TMEM132C: variants seen among roughly 807,000 people sequenced by gnomAD.
TMEM132C encodes protein phosphatase 1, regulatory subunit 152.
Under a neutral mutation model 61.4 loss-of-function variants are expected in TMEM132C, and 29 were observed. The observed-to-expected ratio is 0.47, with a 90% confidence interval of 0.35 to 0.64. The LOEUF (loss-of-function observed/expected upper bound fraction) is 0.64, where lower values mean the gene tolerates loss of function less well. Among genes scored for constraint, TMEM132C ranks in the 30% least tolerant of loss-of-function variants. TMEM132C has a pLI of 0.00. For missense variants in TMEM132C, 1,408 were observed against 1,476.9 expected (o/e 0.95, Z 0.76); for synonymous variants, 656 against 633.1 (o/e 1.04, Z -0.54).
At chr12:128,461,983 G>C (rs1266373024) in intron 2 of TMEM132C, among the ~76,000 whole-genome samples, 1 of 152,206 alleles carries the variant, frequency 6.6e-6, no homozygotes, top group Non-Finnish European at 1.5e-5. Flanking sequence ...TGGAGCGGGT[G>C]CCTCATTTTC....
At chr12:128,469,639 TTTG>T (rs1870868357) in intron 2 of TMEM132C, among the ~76,000 whole-genome samples, 10 of 150,450 alleles carry the variant, frequency 6.6e-5, no homozygotes, top group African/African-American at 2.5e-4. Flanking sequence ...TGTGTGTGTG[TTTG>T]TGTGTGTGTG....
intron 5 of TMEM132C, among the ~76,000 whole-genome samples, chr12:128,683,846 G>C (rs12580976): frequency 6.6e-6 from 1 of 151,952 alleles, no homozygotes; most frequent in African/African-American, 2.4e-5. Context: ...GATGCCTGTC[G>C]TCCCAAGTAC....
chr12:128,665,643 A>ACACACC (rs770882023), intron 4 of TMEM132C, among the ~76,000 whole-genome samples: 9 of 146,206 alleles, frequency 6.2e-5, no homozygotes, highest in Non-Finnish European at 7.5e-5. Context: ...ACACACACAC[A>ACACACC]CCCAGGCACA....
At chr12:128,271,246 T>G (rs2135888863) in intron 1 of TMEM132C, among the ~76,000 whole-genome samples, 1 of 148,948 alleles carries the variant, frequency 6.7e-6, no homozygotes, top group African/African-American at 2.5e-5. Context: ...AGAGTAAGAC[T>G]TGGTCTCAAA....
At chr12:128,591,685 T>C (rs1875756599) in intron 3 of TMEM132C, among the ~76,000 whole-genome samples, 1 of 152,218 alleles carries the variant, frequency 6.6e-6, no homozygotes, top group South Asian at 2.1e-4. Flanking sequence ...CCAAAGTGGC[T>C]GCACCATTTT....
At chr12:128,653,547 G>A (rs1005691705) in intron 4 of TMEM132C, among the ~76,000 whole-genome samples, 1 of 152,088 alleles carries the variant, frequency 6.6e-6, no homozygotes, top group Middle Eastern at 3.2e-3. Context: ...GGGTTCCATC[G>A]GCCTGGGCTC....
At chr12:128,664,820 C>G (rs7968473) in intron 4 of TMEM132C, among the ~76,000 whole-genome samples, 1 of 152,040 alleles carries the variant, frequency 6.6e-6, no homozygotes, top group African/African-American at 2.4e-5. Context: ...TTAGGTGGGT[C>G]TCAGAAGACA....
intron 1 of TMEM132C, among the ~76,000 whole-genome samples, chr12:128,321,824 C>A (rs1238776530): frequency 6.6e-6 from 1 of 152,152 alleles, no homozygotes; most frequent in African/African-American, 2.4e-5. Flanking sequence ...TCAATAAAAA[C>A]TTTCAGTTCA....
Position 128,705,324 on chromosome 12 carries a change from AG to A in TMEM132C, c.2357del (p.Ser786ThrfsTer84). On this transcript the variant is annotated frameshift_variant, in exon 9 of 9. Transcript: ENST00000435159. LOFTEE classifies it low-confidence loss of function (END_TRUNC). ...AEACQKSKRK[S>X]ILAVGVGNVR... ...GGCCTGCCAGAAATCTAAACGCAAGAGCATCCTGGCTGTGGGCGTCGGCAAC... is the reference window on the plus strand; with the variant it reads ...GGCCTGCCAGAAATCTAAACGCAAGACATCCTGGCTGTGGGCGTCGGCAAC... 6.4e-7 allele frequency: 1 copy of A among 1,551,420 alleles called. No individual in the cohort carries two copies. Among genetic ancestry groups the A allele is most frequent in the Non-Finnish European group, 8.7e-7 (1 of 1,146,840 alleles).
chr12:128,413,147 A>G (rs1013813478), intron 1 of TMEM132C, among the ~76,000 whole-genome samples: 3 of 151,948 alleles, frequency 2.0e-5, no homozygotes, highest in Non-Finnish European at 4.4e-5. Context: ...AAATACAAAA[A>G]AATTAGCCAG....
intron 2 of TMEM132C, among the ~76,000 whole-genome samples, chr12:128,426,228 G>T (rs1869178253): frequency 2.6e-5 from 4 of 152,218 alleles, no homozygotes; most frequent in Admixed American, 2.6e-4. Flanking sequence ...ACTGAGCACA[G>T]TCTGCATGCA....
At position 128,618,968 on chromosome 12, in the gene TMEM132C, C is replaced by A. The variant is rs554639003; in HGVS notation, c.1305+2633C>A. ...GAGGCAATTTAGAGGGACTTCTATT[C>A]TCCTATTTTCTGTATGTTCAAAGTT... On this transcript the variant is annotated intron_variant, in intron 4 of 8. Coordinates refer to ENST00000435159, the MANE Select transcript of TMEM132C (RefSeq NM_001136103.3). Among the ~76,000 whole-genome samples the A allele has an allele frequency of 9.4e-4, 143 of 152,262 alleles. 2 individuals are homozygous for A. In the South Asian group the frequency reaches 0.027, roughly 29 times the overall value.
intron 2 of TMEM132C, among the ~76,000 whole-genome samples, chr12:128,492,983 G>A (rs1484867324): frequency 6.6e-6 from 1 of 152,214 alleles, no homozygotes; most frequent in South Asian, 2.1e-4. Flanking sequence ...ATGGTTTTAG[G>A]TCTAATATTT....
At chr12:128,510,508 C>T (rs1051434294) in intron 2 of TMEM132C, among the ~76,000 whole-genome samples, 6 of 152,182 alleles carry the variant, frequency 3.9e-5, no homozygotes, top group Non-Finnish European at 7.3e-5. Flanking sequence ...CCTAGAACGG[C>T]GGGTCTGATT....
intron 1 of TMEM132C, among the ~76,000 whole-genome samples, chr12:128,363,535 G>A (rs1873769334): frequency 6.6e-6 from 1 of 152,166 alleles, no homozygotes; most frequent in African/African-American, 2.4e-5. Flanking sequence ...GCCCTGCACA[G>A]GGGAGACGGG....
At chr12:128,425,692 C>T (rs774944674) in intron 2 of TMEM132C, among the ~76,000 whole-genome samples, 1 of 152,204 alleles carries the variant, frequency 6.6e-6, no homozygotes, top group African/African-American at 2.4e-5. Context: ...GAAGGCCCTT[C>T]CTTGCCTTCG....
rs538401982 is a variant in TMEM132C at position 128,688,523 on chromosome 12, A to G, written c.1450-5306A>G. Among the ~76,000 whole-genome samples, 14 of 152,366 alleles carry G rather than the reference A, an allele frequency of 9.2e-5. 2 individuals carry two copies. The highest frequency in any genetic ancestry group is 3.1e-4 in the African/African-American group (13 of 41,594). ...GGCACAAATAATATGGTAGAGAGAA[A>G]TCCAAGTAAAACATCCACTGTGACT... On this transcript the variant is annotated intron_variant, in intron 5 of 8. Transcript: ENST00000435159.
intron 2 of TMEM132C, among the ~76,000 whole-genome samples, chr12:128,468,317 CT>C (rs138666259): frequency 2.9e-4 from 43 of 147,506 alleles, no homozygotes; most frequent in East Asian, 5.9e-4. Context: ...ACCAAATTTA[CT>C]TTTTTTTTTT....
intron 1 of TMEM132C, among the ~76,000 whole-genome samples, chr12:128,373,075 C>T (rs1874078625): frequency 6.6e-6 from 1 of 152,180 alleles, no homozygotes; most frequent in Non-Finnish European, 1.5e-5. Context: ...GCAATAAACA[C>T]ATATAATTGC....
Sources: gnomAD v4.1 joint callset for allele counts (sites outside exome capture counted in the v4.1 genomes callset) on GRCh38, gnomAD v4.1.1 for gene constraint, MANE v1.5 for transcripts, NCBI Gene and HGNC (gene_info 2026-07-23, HGNC 2026-07-21) for gene names.